UGT1A9: variants seen among roughly 807,000 people sequenced by gnomAD.
The protein encoded by UGT1A9 is UDP-glucuronosyltransferase 1A9.
A neutral mutation model predicts 45.0 loss-of-function variants in UGT1A9; 35 were observed. That is an observed-to-expected ratio of 0.78 (90% CI 0.59 to 1.03). The LOEUF is 1.03. Ranked by LOEUF, UGT1A9 falls within the 50% of genes least tolerant of loss-of-function variation. The probability of loss-of-function intolerance (pLI) is 0.00; values close to 1 mark genes in which losing one functional copy is unlikely to be tolerated. For missense variants in UGT1A9, 687 were observed against 666.6 expected (o/e 1.03, Z -0.34); for synonymous variants, 278 against 250.6 (o/e 1.11, Z -1.03).
At chr2:233,678,575 C>T (rs2074421993) in intron 1 of UGT1A9, among the ~76,000 whole-genome samples, 1 of 152,154 alleles carries the variant, frequency 6.6e-6, no homozygotes, top group Non-Finnish European at 1.5e-5. Context: ...AATCCTTCTT[C>T]CCCATTTGCT....
At chr2:233,717,158 G>A (rs75491591) in intron 1 of UGT1A9, among the ~76,000 whole-genome samples, 1 of 152,182 alleles carries the variant, frequency 6.6e-6, no homozygotes, top group Non-Finnish European at 1.5e-5. Flanking sequence ...GAACATGGGA[G>A]CCCCTTGAAT....
chr2:233,712,407 T>A (rs977773031), intron 1 of UGT1A9, among the ~76,000 whole-genome samples: 1 of 152,214 alleles, frequency 6.6e-6, no homozygotes, highest in East Asian at 1.9e-4. Context: ...GAGTCCTCTT[T>A]GAGCTTTACA....
chr2:233,687,549 G>A lies in UGT1A9; in HGVS notation c.855+14760G>A, dbSNP rs6737107. 1.6e-3 allele frequency among the ~76,000 whole-genome samples: 229 copies of A among 144,690 alleles called. 1 individual carries two copies. The highest frequency in any genetic ancestry group is 5.8e-3 in the African/African-American group (227 of 38,850). 94.9% of individuals were successfully genotyped at this position (144,690 alleles called of 152,430 possible). A position where few individuals can be genotyped will look rare whatever the true frequency, so the allele number is the denominator to read the frequency against. On this transcript the variant is annotated intron_variant, in intron 1 of 4. Coordinates refer to ENST00000354728, the MANE Select transcript of UGT1A9 (RefSeq NM_021027.3). ...GCCCAAGGTTATGCCTCAAGTAAGT[G>A]GGGGAGCCAGAATTCAAGACCATAC...
At chr2:233,719,052 A>T (rs200903552) in intron 1 of UGT1A9, 1 of 1,614,270 alleles carries the variant, frequency 6.2e-7, no homozygotes, top group Non-Finnish European at 8.5e-7. Flanking sequence ...TTTCACCCTG[A>T]CAGCCTATGC....
chr2:233,724,727 G>A (rs1271460613), intron 1 of UGT1A9, among the ~76,000 whole-genome samples: 6 of 144,662 alleles, frequency 4.1e-5, no homozygotes. Context: ...GGGCAGCCAG[G>A]CAGAGGGGCT....
chr2:233,700,852 C>G (rs1159927866), intron 1 of UGT1A9, among the ~76,000 whole-genome samples: 2 of 152,028 alleles, frequency 1.3e-5, no homozygotes, highest in Non-Finnish European at 2.9e-5. Context: ...AGGTATATCT[C>G]CTAATGCTAT....
intron 1 of UGT1A9, among the ~76,000 whole-genome samples, chr2:233,688,153 A>G (rs2074880098): frequency 2.0e-5 from 3 of 152,240 alleles, no homozygotes; most frequent in Non-Finnish European, 2.9e-5. Flanking sequence ...GGATTTGCCT[A>G]TTCTGGGCAT....
At chr2:233,738,521 G>C (rs1382621592) in intron 1 of UGT1A9, among the ~76,000 whole-genome samples, 2 of 152,174 alleles carry the variant, frequency 1.3e-5, no homozygotes, top group African/African-American at 2.4e-5. Context: ...TAATGTTGTG[G>C]ACAATGAAGT....
At chr2:233,702,799 T>C (rs1284571613) in intron 1 of UGT1A9, among the ~76,000 whole-genome samples, 1 of 152,224 alleles carries the variant, frequency 6.6e-6, no homozygotes, top group Non-Finnish European at 1.5e-5. Flanking sequence ...CTTGTATTCC[T>C]AGAATAATCC....
intron 1 of UGT1A9, among the ~76,000 whole-genome samples, chr2:233,697,785 G>A (rs143859460): frequency 1.6e-4 from 24 of 151,958 alleles, no homozygotes; most frequent in African/African-American, 4.1e-4. Context: ...ATTTTCATTC[G>A]TTTCAAGTAA....
At chr2:233,728,849 G>A (rs1362831575) in intron 1 of UGT1A9, among the ~76,000 whole-genome samples, 2 of 152,182 alleles carry the variant, frequency 1.3e-5, no homozygotes, top group East Asian at 3.8e-4. Context: ...TTGGGAATTG[G>A]ATGAGAAACA....
In UGT1A9 at chr2:233,742,896, A is replaced by G. The variant is rs28900374; in HGVS notation, c.856-24138A>G. On this transcript the variant is annotated intron_variant, in intron 1 of 4. Coordinates refer to ENST00000354728, the MANE Select transcript of UGT1A9 (RefSeq NM_021027.3). ...CACCTGGCTCACACTTTCCCAACGG[A>G]AAAAGGTAATGCTCAAAGTGCTGAA... 1,545 of 165,018 alleles carry G rather than the reference A, an allele frequency of 9.4e-3. 58 individuals are homozygous for G. Among genetic ancestry groups the G allele is most frequent in the African/African-American group, 0.035 (1,468 of 41,444 alleles). 10.2% of individuals were successfully genotyped at this position (165,018 alleles called of 1,614,324 possible). A position where few individuals can be genotyped will look rare whatever the true frequency, so the allele number is the denominator to read the frequency against.
intron 1 of UGT1A9, among the ~76,000 whole-genome samples, chr2:233,685,550 T>C (rs1451608117): frequency 1.3e-5 from 2 of 152,224 alleles, no homozygotes; most frequent in Non-Finnish European, 2.9e-5. Flanking sequence ...CTGTTTTTGA[T>C]CCAAATTCAA....
chr2:233,734,192 C>T (rs7567468), intron 1 of UGT1A9, among the ~76,000 whole-genome samples: 44,730 of 151,966 alleles, frequency 0.29, 6,702 homozygotes, highest in South Asian at 0.39. Context: ...ATTATTGCCT[C>T]AATTTCAGAG....
rs77053267 is a variant in UGT1A9, at chr2:233,743,791, C to T, written c.856-23243C>T. 1,068 of 1,367,342 alleles carry T rather than the reference C, an allele frequency of 7.8e-4. 34 individuals are homozygous for T. In the African/African-American group the frequency reaches 0.014, roughly 18 times the overall value. The allele number at this position is 1,367,342 out of a possible 1,614,324, so 84.7% of individuals were successfully genotyped here. On this transcript the variant is annotated intron_variant, in intron 1 of 4. Coordinates refer to ENST00000354728, the MANE Select transcript of UGT1A9 (RefSeq NM_021027.3). The stretch of plus-strand genomic sequence containing the variant: ...CGGCCACCTGCTTGAATCTCCTCTC[C>T]GCTTCCTCCTTGTTCTCAGGGTTTT...
intron 1 of UGT1A9, among the ~76,000 whole-genome samples, chr2:233,727,472 C>T (rs1025234112): frequency 7.2e-5 from 11 of 152,134 alleles, no homozygotes; most frequent in African/African-American, 2.4e-4. Flanking sequence ...CTAAATAAAA[C>T]ACTACTACTT....
At chr2:233,725,966 G>A (rs1413354611) in intron 1 of UGT1A9, among the ~76,000 whole-genome samples, 1 of 152,090 alleles carries the variant, frequency 6.6e-6, no homozygotes, top group Non-Finnish European at 1.5e-5. Context: ...AGGAGTCTGA[G>A]AGCAGCCTGG....
intron 1 of UGT1A9, among the ~76,000 whole-genome samples, chr2:233,688,194 T>G (rs2074881922): frequency 6.6e-6 from 1 of 152,244 alleles, no homozygotes; most frequent in African/African-American, 2.4e-5. Flanking sequence ...TATGACCGGC[T>G]TCTTTCACTT....
chr2:233,742,188 G>A (rs1460351470), intron 1 of UGT1A9, among the ~76,000 whole-genome samples: 8 of 151,916 alleles, frequency 5.3e-5, no homozygotes, highest in Non-Finnish European at 8.8e-5. Context: ...AGTGTGGAGT[G>A]GGAAATCAGG....
Sources: gnomAD v4.1 joint callset for allele counts (sites outside exome capture counted in the v4.1 genomes callset) on GRCh38, gnomAD v4.1.1 for gene constraint, MANE v1.5 for transcripts, NCBI Gene and HGNC (gene_info 2026-07-23, HGNC 2026-07-21) for gene names.